NETO1: variants seen among roughly 807,000 people sequenced by gnomAD.
NETO1 encodes the protein neuropilin and tolloid like 1.
Under a neutral mutation model 61.3 loss-of-function variants are expected in NETO1, and 26 were observed. The ratio of observed to expected loss-of-function variants is 0.42; its 90% confidence interval spans 0.31 to 0.59. The LOEUF is 0.59. Among genes scored for constraint, NETO1 ranks in the 20% least tolerant of loss-of-function variants. NETO1 has a pLI of 0.12. For missense variants in NETO1, 531 were observed against 662.8 expected (o/e 0.80, Z 2.18); for synonymous variants, 225 against 225.8 (o/e 1.00, Z 0.03).
At chr18:72,762,352 T>C (rs1235155553) in intron 7 of NETO1, among the ~76,000 whole-genome samples, 1 of 152,118 alleles carries the variant, frequency 6.6e-6, no homozygotes, top group Non-Finnish European at 1.5e-5. Flanking sequence ...TTTTAATTTA[T>C]GAAAACTCAC....
chr18:72,865,807 T>G lies in NETO1; in HGVS notation c.29-566A>C, dbSNP rs901765898. 16 of 1,029,686 alleles carry G rather than the reference T, an allele frequency of 1.6e-5. No individual in the cohort carries two copies. The South Asian group carries it at 2.9e-4, about 18-fold the overall frequency. The allele number at this position is 1,029,686 out of a possible 1,614,324, so 63.8% of individuals were successfully genotyped here. Reference sequence around the variant, plus strand: ...GGCATTAAGCACCATTATTGGAATGTTGCCTACAAAAATGTTCTGAACCTC... The same window carrying G: ...GGCATTAAGCACCATTATTGGAATGGTGCCTACAAAAATGTTCTGAACCTC... On this transcript the variant is annotated intron_variant, in intron 1 of 10. Coordinates refer to ENST00000327305, the MANE Select transcript of NETO1 (RefSeq NM_138966.5).
At chr18:72,865,268 T>C in intron 1 of NETO1, 27 bp from the exon 2 acceptor site, 1 of 1,518,736 alleles carries the variant, frequency 6.6e-7, no homozygotes, top group Non-Finnish European at 9.1e-7. Flanking sequence ...AAATTAGAGA[T>C]AAAATACACT....
chr18:72,851,920 C>T (rs2074262221), intron 4 of NETO1, among the ~76,000 whole-genome samples: 1 of 152,184 alleles, frequency 6.6e-6, no homozygotes, highest in South Asian at 2.1e-4. Flanking sequence ...TTAATATTTA[C>T]AGAGTACCTG....
At chr18:72,856,684 A>T (rs1432777183) in intron 4 of NETO1, among the ~76,000 whole-genome samples, 1 of 152,224 alleles carries the variant, frequency 6.6e-6, no homozygotes, top group Non-Finnish European at 1.5e-5. Flanking sequence ...CTAGTTTCAA[A>T]TTCAGTGCTC....
chr18:72,777,397 CAAG>C (rs2071583922), intron 7 of NETO1, among the ~76,000 whole-genome samples: 2 of 103,680 alleles, frequency 1.9e-5, no homozygotes, highest in Non-Finnish European at 3.8e-5. Flanking sequence ...CCAGCCTGGG[CAAG>C]AAGAGCGAAA....
At chr18:72,753,487 T>C (rs1317816994) in intron 8 of NETO1, among the ~76,000 whole-genome samples, 1 of 152,208 alleles carries the variant, frequency 6.6e-6, no homozygotes. Flanking sequence ...ATTGTGAGAC[T>C]GGCAAAAATG....
Position 72,867,416 on chromosome 18 carries a change from G to T in NETO1, c.-125C>A. 1.6e-6 allele frequency: 1 copy of T among 620,068 alleles called. No individual in the cohort carries two copies. Among genetic ancestry groups the T allele is most frequent in the Non-Finnish European group, 2.6e-6 (1 of 389,406 alleles). 38.4% of individuals were successfully genotyped at this position (620,068 alleles called of 1,614,324 possible). On this transcript the variant is annotated 5_prime_UTR_variant, in exon 1 of 11. Transcript: ENST00000327305. The stretch of plus-strand genomic sequence containing the variant: ...GACGCAAAGCAAGAAGGAAATAAAG[G>T]GGGGCCGAGAGGGAGACCGAGAGGA...
chr18:72,855,780 C>T (rs1288469809), intron 4 of NETO1, among the ~76,000 whole-genome samples: 1 of 152,204 alleles, frequency 6.6e-6, no homozygotes, highest in African/African-American at 2.4e-5. Context: ...AGACTGGACA[C>T]TGGGACCCAT....
At chr18:72,761,599 C>A (rs971167849) in intron 7 of NETO1, among the ~76,000 whole-genome samples, 8 of 152,106 alleles carry the variant, frequency 5.3e-5, no homozygotes, top group Non-Finnish European at 1.0e-4. Flanking sequence ...TAGCTCTCAA[C>A]CTTGGGCTGC....
chr18:72,855,187 T>C (rs1317501262), intron 4 of NETO1, among the ~76,000 whole-genome samples: 1 of 152,194 alleles, frequency 6.6e-6, no homozygotes, highest in Non-Finnish European at 1.5e-5. Flanking sequence ...TGGGATAGCA[T>C]ATTGCAGAGG....
intron 4 of NETO1, among the ~76,000 whole-genome samples, chr18:72,799,931 T>G (rs2145310062): frequency 6.6e-6 from 1 of 152,364 alleles, no homozygotes; most frequent in African/African-American, 2.4e-5. Flanking sequence ...AATCTGTCAC[T>G]TCAGGGGAGA....
In NETO1 at chr18:72,744,243, G is replaced by A. The variant is rs1259703508; in HGVS notation, c.*3936C>T. 1 of 152,040 alleles carries A rather than the reference G, an allele frequency of 6.6e-6. No individual in the cohort carries two copies. The highest frequency in any genetic ancestry group is 1.5e-5 in the Non-Finnish European group (1 of 68,002). The allele number at this position is 152,040 out of a possible 1,614,324, so 9.4% of individuals were successfully genotyped here. A position where few individuals can be genotyped will look rare whatever the true frequency, so the allele number is the denominator to read the frequency against. ...ATTACCCTGTTTTATTTATTTTGAT[G>A]ATACAATTCAGTTAAATTTGTGGTA... On this transcript the variant is annotated 3_prime_UTR_variant, in exon 11 of 11. Transcript: ENST00000327305.
intron 4 of NETO1, among the ~76,000 whole-genome samples, chr18:72,827,905 C>T (rs888748806): frequency 1.3e-5 from 2 of 152,156 alleles, no homozygotes; most frequent in African/African-American, 4.8e-5. Flanking sequence ...TGCATCAAAA[C>T]TTGTGAGCTA....
intron 4 of NETO1, among the ~76,000 whole-genome samples, chr18:72,851,321 G>C (rs919044569): frequency 7.9e-5 from 12 of 151,892 alleles, no homozygotes; most frequent in African/African-American, 2.9e-4. Flanking sequence ...TGAGGCAGGA[G>C]AATTATGTGA....
rs1228699419 is a variant in NETO1 at position 72,811,546 on chromosome 18, G to GTCAT, written c.470-17146_470-17143dup. Among the ~76,000 whole-genome samples the GTCAT allele has an allele frequency of 2.0e-5, 3 of 152,298 alleles. No individual in the cohort carries two copies. The East Asian group carries it at 5.8e-4, about 29-fold the overall frequency. Reference sequence around the variant, plus strand: ...GGGCCAGGTGGGGTGGCTCGTGCTTGTCATCCCACCTCTCTGGGAGACCAG... The same window carrying GTCAT: ...GGGCCAGGTGGGGTGGCTCGTGCTTGTCATTCATCCCACCTCTCTGGGAGACCAG... On this transcript the variant is annotated intron_variant, in intron 4 of 10. Coordinates refer to ENST00000327305, the MANE Select transcript of NETO1 (RefSeq NM_138966.5).
intron 6 of NETO1, among the ~76,000 whole-genome samples, chr18:72,787,398 C>A (rs1289055578): frequency 6.6e-6 from 1 of 151,768 alleles, no homozygotes; most frequent in Non-Finnish European, 1.5e-5. Context: ...AAGTACTAAG[C>A]CCACGGGATG....
downstream of NETO1, among the ~76,000 whole-genome samples, chr18:72,743,110 T>C (rs1248234871): frequency 2.0e-5 from 3 of 152,324 alleles, no homozygotes; most frequent in African/African-American, 7.2e-5. Flanking sequence ...GCTGAGATCT[T>C]AAAATATTCT....
In NETO1 at chr18:72,830,447, A is replaced by T. The variant is rs566044393; in HGVS notation, c.469+28379T>A. ...GAGATCACCTTTGCTGGGCGGTGAAAGGGACCAGGGCATCTAAACAAGGAG... is the reference window on the plus strand; with the variant it reads ...GAGATCACCTTTGCTGGGCGGTGAATGGGACCAGGGCATCTAAACAAGGAG... On this transcript the variant is annotated intron_variant, in intron 4 of 10. Coordinates refer to ENST00000327305, the MANE Select transcript of NETO1 (RefSeq NM_138966.5). This position sits in a 1 kb window ranked among gnomAD's most constrained non-coding sequence, Gnocchi z 4.9. Among the ~76,000 whole-genome samples the T allele has an allele frequency of 6.6e-6, 1 of 152,284 alleles. No homozygotes were observed. The highest frequency in any genetic ancestry group is 1.9e-4 in the East Asian group (1 of 5,176).
intron 7 of NETO1, among the ~76,000 whole-genome samples, chr18:72,778,558 C>T (rs1284224502): frequency 6.6e-6 from 1 of 152,138 alleles, no homozygotes; most frequent in East Asian, 1.9e-4. Flanking sequence ...TTCCACAAAA[C>T]ACGAGAGCAT....
Sources: allele counts gnomAD v4.1 joint callset (sites outside exome capture counted in the v4.1 genomes callset), GRCh38; gene constraint gnomAD v4.1.1; non-coding constraint Gnocchi (gnomAD v3.1); transcripts MANE v1.5; gene names NCBI Gene and HGNC (gene_info 2026-07-23, HGNC 2026-07-21).